Variants in RYR3 observed in about 807,000 individuals in gnomAD.
RYR3 encodes ryanodine receptor 3, also known as brain ryanodine receptor-calcium release channel.
RYR3 carries 207 observed loss-of-function variants against 584.3 expected under a neutral mutation model. The observed-to-expected ratio is 0.35, with a 90% CI of 0.32 to 0.40. The LOEUF (loss-of-function observed/expected upper bound fraction) is 0.40, where lower values mean the gene tolerates loss of function less well. Among genes scored for constraint, RYR3 ranks in the 10% least tolerant of loss-of-function variants. The pLI is 1.00. For missense variants in RYR3, 5,616 were observed against 6,089.2 expected, an observed-to-expected ratio of 0.92 and a Z score of 2.59; for synonymous variants, 2,416 against 2,248.5, an observed-to-expected ratio of 1.07 and a Z score of -2.11.
At chr15:33,776,958 ATACTG>A (rs1203508520) in intron 64 of RYR3, among the ~76,000 whole-genome samples, 1 of 152,224 alleles carries the variant, frequency 6.6e-6, no homozygotes, top group Non-Finnish European at 1.5e-5. Flanking sequence ...TGTGTGAAAA[ATACTG>A]TATGAGGCAG....
At chr15:33,550,509 G>T (rs2056601715) in intron 10 of RYR3, among the ~76,000 whole-genome samples, 193 bp downstream of exon 10, 1 of 152,224 alleles carries the variant, frequency 6.6e-6, no homozygotes, top group Non-Finnish European at 1.5e-5. Flanking sequence ...TTGGATGAAG[G>T]TTGAAGTCTT....
intron 74 of RYR3, among the ~76,000 whole-genome samples, chr15:33,814,263 C>A (rs921312009): frequency 2.0e-5 from 3 of 152,110 alleles, no homozygotes; most frequent in Non-Finnish European, 4.4e-5. Context: ...GATGTGGTGA[C>A]ATTCCTGTCC....
chr15:33,382,052 A>G lies in RYR3; in HGVS notation c.51+70956A>G, dbSNP rs573012211. 1.1e-4 allele frequency among the ~76,000 whole-genome samples: 17 copies of G among 152,256 alleles called. No individual in the cohort carries two copies. The East Asian group carries it at 3.3e-3, about 29-fold the overall frequency. ...TTAGACTAGAATTTTAGTACTTTAA[A>G]AAGATGATAATTGGCCAATGAAAGG... On this transcript the variant is annotated intron_variant, in intron 1 of 103. Transcript: ENST00000634891.
Position 33,757,472 on chromosome 15 carries a change from C to T in RYR3, c.8584-3C>T, listed in dbSNP as rs1243789709. ...AGAAGTTGATTTCTGGTGCGTTTCCCAGGTTCTCCTCCCGCTGGTTGACCA... is the reference window on the plus strand; with the variant it reads ...AGAAGTTGATTTCTGGTGCGTTTCCTAGGTTCTCCTCCCGCTGGTTGACCA... On this transcript the variant is annotated splice_region_variant and splice_polypyrimidine_tract_variant and intron_variant, in intron 59 of 103. Coordinates refer to ENST00000634891, the MANE Select transcript of RYR3 (RefSeq NM_001036.6). The T allele has an allele frequency of 6.2e-7, 1 of 1,603,870 alleles. No homozygotes were observed.
chr15:33,805,978 A>C (rs1596696088), intron 69 of RYR3, among the ~76,000 whole-genome samples: 3 of 132,570 alleles, frequency 2.3e-5, no homozygotes, highest in African/African-American at 2.9e-5. Context: ...TCTGTCCACC[A>C]TTTCTTCCTT....
At chr15:33,436,593 C>T (rs1365140189) in intron 1 of RYR3, among the ~76,000 whole-genome samples, 6 of 151,800 alleles carry the variant, frequency 4.0e-5, no homozygotes, top group South Asian at 2.1e-4. Flanking sequence ...CTCCGCCTCC[C>T]GGGTTCACAC....
chr15:33,681,201 G>T (rs1219662599), intron 38 of RYR3, among the ~76,000 whole-genome samples: 2 of 152,202 alleles, frequency 1.3e-5, no homozygotes. Context: ...AGACTCTCCA[G>T]TCTGGTTTGT....
intron 3 of RYR3, among the ~76,000 whole-genome samples, chr15:33,528,668 G>A (rs574240778): frequency 1.3e-5 from 2 of 152,168 alleles, no homozygotes; most frequent in Non-Finnish European, 2.9e-5. Context: ...ATATGACTTT[G>A]AGCAAGCTAC....
chr15:33,401,673 GACC>G (rs1470324679), intron 1 of RYR3, among the ~76,000 whole-genome samples: 1 of 152,150 alleles, frequency 6.6e-6, no homozygotes, highest in Non-Finnish European at 1.5e-5. Context: ...TTAAGACGTG[GACC>G]ACCATTTAAC....
chr15:33,538,971 A>G (rs532172481), intron 5 of RYR3, among the ~76,000 whole-genome samples: 28 of 152,212 alleles, frequency 1.8e-4, no homozygotes, highest in African/African-American at 5.1e-4. Flanking sequence ...CAGTAGACCA[A>G]TGACATAGAT....
At chr15:33,834,127 T>TA (rs1380773244) in intron 86 of RYR3, among the ~76,000 whole-genome samples, 1 of 151,940 alleles carries the variant, frequency 6.6e-6, no homozygotes, top group Non-Finnish European at 1.5e-5. Flanking sequence ...ACTAAAAATA[T>TA]AAAAAAATCA....
intron 77 of RYR3, 64 bp from the exon 78 acceptor site, chr15:33,820,692 G>A (rs2077057393): frequency 7.2e-7 from 1 of 1,394,126 alleles, no homozygotes; most frequent in Non-Finnish European, 1.0e-6. Flanking sequence ...GTAGAGTTGT[G>A]TTTATTAGAT....
chr15:33,765,030 C>CAAA (rs1183335863), intron 60 of RYR3, among the ~76,000 whole-genome samples: 12,877 of 85,408 alleles, frequency 0.15, 1,564 homozygotes, highest in Middle Eastern at 0.24. Context: ...GACTTCGTCT[C>CAAA]AAAAAAAAAA....
Position 33,780,241 on chromosome 15 carries a change from C to A in RYR3, c.9168C>A (p.Ala3056=). 1 of 1,613,916 alleles carries A rather than the reference C, an allele frequency of 6.2e-7. No individual in the cohort carries two copies. The highest frequency in any genetic ancestry group is 8.5e-7 in the Non-Finnish European group (1 of 1,179,820). The part of the protein sequence containing the change: ...RQRPALGECL[A]SLAAAIPVAF... ...GCCCTGCCCTTGGAGAATGTCTGGC[C>A]TCGCTGGCAGCTGCCATACCAGTGG... The change falls in exon 65 of 104, where the codon GCC becomes GCA. Residue 3056 remains alanine (A), a synonymous_variant. Coordinates refer to ENST00000634891, the MANE Select transcript of RYR3 (RefSeq NM_001036.6).
At chr15:33,789,038 G>A (rs1033116859) in intron 67 of RYR3, among the ~76,000 whole-genome samples, 4 of 152,216 alleles carry the variant, frequency 2.6e-5, no homozygotes, top group Non-Finnish European at 5.9e-5. Context: ...AGTCAGTAAC[G>A]TTTGGAACCA....
At chr15:33,816,783 T>A in intron 74 of RYR3, 79 bp from the exon 75 acceptor site, 1 of 869,468 alleles carries the variant, frequency 1.2e-6, no homozygotes, top group South Asian at 1.6e-5. Context: ...CTGTCCTGCT[T>A]ACTAACCATT....
intron 102 of RYR3, among the ~76,000 whole-genome samples, chr15:33,861,586 G>A (rs755902300): frequency 5.3e-5 from 8 of 151,420 alleles, no homozygotes; most frequent in Non-Finnish European, 7.4e-5. Context: ...AGCTGTCCAT[G>A]CTCAGTCACT....
chr15:33,543,658 A>G lies in RYR3; in HGVS notation c.683A>G (p.His228Arg), dbSNP rs982194939. The change falls in exon 8 of 104, where the codon CAT becomes CGT. Residue 228 changes from histidine to arginine, a missense_variant. This residue lies in a region of RYR3 where 1,284 missense variants were observed against 1,344.6 expected (regional missense o/e 0.95). Coordinates refer to ENST00000634891, the MANE Select transcript of RYR3 (RefSeq NM_001036.6). ...LLGGHVVRLF[H>R]GHDECLTIPS... ...GGTGGGCATGTAGTACGTCTTTTCC[A>G]TGGTCATGATGAATGTTTGACGATA... 3 of 1,612,860 alleles carry G rather than the reference A, an allele frequency of 1.9e-6. No individual in the cohort carries two copies. The highest frequency in any genetic ancestry group is 2.5e-6 in the Non-Finnish European group (3 of 1,178,972).
intron 38 of RYR3, among the ~76,000 whole-genome samples, chr15:33,686,504 G>A (rs1282797995): frequency 6.6e-6 from 1 of 152,152 alleles, no homozygotes; most frequent in Non-Finnish European, 1.5e-5. Context: ...GGTACAAAGA[G>A]GAGCTGGTAC....
Sources: allele counts gnomAD v4.1 joint callset (sites outside exome capture counted in the v4.1 genomes callset), GRCh38; gene constraint gnomAD v4.1.1; regional missense constraint gnomAD v4.1.1; transcripts MANE v1.5; gene names NCBI Gene and HGNC (gene_info 2026-07-23, HGNC 2026-07-21).